The following RNF17 variants were observed in gnomAD, a reference collection of about 807,000 sequenced individuals.
The protein encoded by RNF17 is ring finger protein 17, also known as spermatogenesis associated 23.
Under a neutral mutation model 200.5 loss-of-function variants are expected in RNF17, and 31 were observed. The observed-to-expected ratio is 0.15, with a 90% CI of 0.12 to 0.21. The LOEUF is 0.21. Among genes scored for constraint, RNF17 ranks in the 10% least tolerant of loss-of-function variants. The pLI is 1.00. For missense variants in RNF17, 1,628 were observed against 1,905.1 expected, an observed-to-expected ratio of 0.85 and a Z score of 2.71; for synonymous variants, 606 against 637.8, an observed-to-expected ratio of 0.95 and a Z score of 0.75.
chr13:24,778,404 T>G lies in RNF17; in HGVS notation c.427T>G (p.Leu143Val). ...KTLLNSSAVM[L>V]DTNTAEEIDE... ...TCTTTTGAACTCATCAGCTGTAATG[T>G]TGGTATGAAACATATTGGTCATGAA... is the stretch of plus-strand genomic sequence containing the variant. Residue 143 changes from leucine (L) to valine (V), a missense_variant and splice_region_variant, in exon 4 of 36, where the codon TTG becomes GTG. Physicochemically the swap from Leu to Val is conservative, Grantham distance 32 (BLOSUM62 1). Coordinates refer to ENST00000255324, the MANE Select transcript of RNF17 (RefSeq NM_031277.3). 1.2e-6 allele frequency: 2 copies of G among 1,602,026 alleles called. No individual in the cohort carries two copies. The highest frequency in any genetic ancestry group is 1.7e-6 in the Non-Finnish European group (2 of 1,169,150).
At chr13:24,751,315 T>TATA in the RNF17 span, 5 of 87,742 alleles carry the variant, frequency 5.7e-5, no homozygotes, top group Non-Finnish European at 1.0e-4. Context: ...TATATATATA[T>TATA]TTTTTTTTAC....
rs1306157959 is a variant in RNF17, at chr13:24,824,071, T to C, written c.2092-1548T>C. 4.6e-6 allele frequency: 3 copies of C among 647,494 alleles called. No homozygotes were observed. The African/African-American group carries it at 5.5e-5, about 12-fold the overall frequency. The allele number at this position is 647,494 out of a possible 1,614,324, so 40.1% of individuals were successfully genotyped here. ...CTGCCACTGCTTAAGACCAAGACCA[T>C]TGTCATTCTGGGAAGAGGGTAGGGT... On this transcript the variant is annotated intron_variant, in intron 15 of 35. Coordinates refer to ENST00000255324, the MANE Select transcript of RNF17 (RefSeq NM_031277.3).
rs144802984 is a variant in RNF17, at chr13:24,779,063, C to G, written c.430-604C>G. Among the ~76,000 whole-genome samples the G allele has an allele frequency of 9.2e-5, 14 of 151,990 alleles. 1 individual carries two copies. The highest frequency in any genetic ancestry group is 1.9e-4 in the Non-Finnish European group (13 of 67,996). On this transcript the variant is annotated intron_variant, in intron 4 of 35. Coordinates refer to ENST00000255324, the MANE Select transcript of RNF17 (RefSeq NM_031277.3). ...AATTAGCTGGGTGTGGTGCTGTGGT[C>G]GTGCACACCTGTAATTCCAGTTACT...
intron 15 of RNF17, among the ~76,000 whole-genome samples, chr13:24,818,503 T>C (rs1180947034): frequency 6.6e-6 from 1 of 152,192 alleles, no homozygotes; most frequent in Admixed American, 6.5e-5. Context: ...TTTTTATTAT[T>C]GAACTGTCTA....
chr13:24,878,140 G>GC (rs1259397793), intron 34 of RNF17, among the ~76,000 whole-genome samples: 2 of 152,148 alleles, frequency 1.3e-5, no homozygotes, highest in Non-Finnish European at 2.9e-5. Context: ...TGTGATTCCT[G>GC]CCTGGTGCCA....
chr13:24,787,314 G>A (rs757789921), intron 6 of RNF17, among the ~76,000 whole-genome samples: 1 of 152,054 alleles, frequency 6.6e-6, no homozygotes. Flanking sequence ...TGAGTCCAAC[G>A]CCTGTGCTTC....
chr13:24,809,761 A>T (rs1463089741), intron 15 of RNF17, among the ~76,000 whole-genome samples: 3 of 151,836 alleles, frequency 2.0e-5, no homozygotes, highest in African/African-American at 4.8e-5. Flanking sequence ...CTTTCCTGCT[A>T]TCTCTTGTGG....
At chr13:24,783,702 A>ATG (rs1165568909) in intron 6 of RNF17, among the ~76,000 whole-genome samples, 2 of 39,686 alleles carry the variant, frequency 5.0e-5, no homozygotes, top group African/African-American at 1.8e-4. Context: ...CCTTATTTTT[A>ATG]TATTGATTTT....
chr13:24,767,640 C>T (rs960557498), intron 2 of RNF17, among the ~76,000 whole-genome samples: 6 of 150,768 alleles, frequency 4.0e-5, no homozygotes, highest in Admixed American at 6.6e-5. Context: ...CCCAGCTGCT[C>T]GGTAGCCTGA....
intron 2 of RNF17, among the ~76,000 whole-genome samples, chr13:24,767,853 A>C (rs1879964276): frequency 6.6e-6 from 1 of 152,200 alleles, no homozygotes; most frequent in Non-Finnish European, 1.5e-5. Context: ...TAATTGTGTA[A>C]AGTGATCAGG....
Position 24,802,508 on chromosome 13 carries a change from A to G in RNF17, c.1886A>G (p.Asn629Ser). 1 of 1,613,828 alleles carries G rather than the reference A, an allele frequency of 6.2e-7. No individual in the cohort carries two copies. Among genetic ancestry groups the G allele is most frequent in the Non-Finnish European group, 8.5e-7 (1 of 1,179,884 alleles). Residue 629 changes from asparagine (N) to serine (S), a missense_variant, in exon 14 of 36, where the codon AAT (asparagine) becomes AGT (serine). Transcript: ENST00000255324. ...LIVDLQKPPP[N>S]KISSDMPVSL... ...GTAGATCTGCAAAAACCACCACCGAATAAAATAAGCAGTGATATGCCTGTG... is the reference window on the plus strand; with the variant it reads ...GTAGATCTGCAAAAACCACCACCGAGTAAAATAAGCAGTGATATGCCTGTG...
intron 25 of RNF17, among the ~76,000 whole-genome samples, chr13:24,854,676 T>G (rs1892276071): frequency 6.6e-6 from 1 of 152,284 alleles, no homozygotes; most frequent in Non-Finnish European, 1.5e-5. Flanking sequence ...GCCCCTTTAC[T>G]CAAAGTGGGA....
At chr13:24,844,885 A>G (rs183941313) in intron 21 of RNF17, 76 bp from the exon 22 acceptor site, 1 of 1,562,158 alleles carries the variant, frequency 6.4e-7, no homozygotes, top group East Asian at 2.2e-5. Flanking sequence ...AACAGTTTTC[A>G]TTGAGTTTTT....
chr13:24,830,018 A>G (rs1164429998), intron 16 of RNF17, among the ~76,000 whole-genome samples: 1 of 152,218 alleles, frequency 6.6e-6, no homozygotes, highest in African/African-American at 2.4e-5. Context: ...GAATCCTCCA[A>G]AAACATCTCA....
Position 24,862,787 on chromosome 13 carries a change from C to G in RNF17, c.3969C>G (p.His1323Gln). The change falls in exon 28 of 36, where the codon CAC becomes CAG. Residue 1323 changes from histidine (H) to glutamine (Q), a missense_variant. Around this residue, in one of 5 missense-constraint regions of RNF17, gnomAD observed 609 missense variants for 681.9 expected, o/e 0.89. Coordinates refer to ENST00000255324, the MANE Select transcript of RNF17 (RefSeq NM_031277.3). The part of the protein sequence containing the change: ...QLLSKRQVDI[H>Q]IMELPKNPWE... ...TTTCAAAGAGACAGGTGGACATTCA[C>G]ATTATGGTAATTTAAAGTATATATA... 1 of 1,569,636 alleles carries G rather than the reference C, an allele frequency of 6.4e-7. No individual in the cohort carries two copies.
chr13:24,786,071 T>C (rs1266746287), intron 6 of RNF17, among the ~76,000 whole-genome samples: 1 of 152,194 alleles, frequency 6.6e-6, no homozygotes, highest in Non-Finnish European at 1.5e-5. Context: ...GTATGTTTTA[T>C]GGCTTATTTG....
the RNF17 span, among the ~76,000 whole-genome samples, chr13:24,759,112 A>C: frequency 2.0e-5 from 3 of 149,760 alleles, no homozygotes; most frequent in African/African-American, 7.3e-5. Context: ...AACAACACTT[A>C]CATTCTAAAT....
At chr13:24,824,225 A>G (rs760779341) in intron 15 of RNF17, 3 of 713,884 alleles carry the variant, frequency 4.2e-6, no homozygotes, top group Non-Finnish European at 7.8e-6. Flanking sequence ...TGGTTGAGAC[A>G]CTTTCTCATT....
At chr13:24,753,922 C>T in the RNF17 span, among the ~76,000 whole-genome samples, 9 of 152,016 alleles carry the variant, frequency 5.9e-5, no homozygotes, top group East Asian at 1.9e-4. Context: ...TTTGGGAGCC[C>T]GAGGCAGGGG....
Sources: gnomAD v4.1 joint callset for allele counts (sites outside exome capture counted in the v4.1 genomes callset) on GRCh38, gnomAD v4.1.1 for gene constraint, gnomAD v4.1.1 regional missense constraint, MANE v1.5 for transcripts, NCBI Gene and HGNC (gene_info 2026-07-23, HGNC 2026-07-21) for gene names.